Variants in RPA4 observed in about 807,000 individuals in gnomAD.
RPA4 encodes the protein replication protein A 30 kDa subunit.
For synonymous variants in RPA4, 88 were observed against 84.4 expected (o/e 1.04, Z -0.23); for missense variants, 229 against 215.5 (o/e 1.06, Z -0.39).
Position 96,884,259 on chromosome X carries a change from A to G in RPA4, c.-52A>G. ...GTGGAGAACTCAAAGCCGTCCGTGGAGCCCCAGACGAGCCAAAGCCCACCT... is the reference window on the plus strand; with the variant it reads ...GTGGAGAACTCAAAGCCGTCCGTGGGGCCCCAGACGAGCCAAAGCCCACCT... On this transcript the variant is annotated 5_prime_UTR_variant, in exon 1 of 1. Transcript: ENST00000373040. The G allele has an allele frequency of 1.8e-6, 2 of 1,096,377 alleles. No individual in the cohort carries two copies. The highest frequency in any genetic ancestry group is 2.5e-6 in the Non-Finnish European group (2 of 809,622). The allele number at this position is 1,096,377 out of a possible 1,213,427, so 90.4% of individuals were successfully genotyped here.
In RPA4 at chrX:96,884,168, C is replaced by G. The variant is rs2065240164; in HGVS notation, c.-143C>G. On this transcript the variant is annotated 5_prime_UTR_variant, in exon 1 of 1. Transcript: ENST00000373040. ...GCGTGACGCTTGTCACGTCCTCAGC[C>G]TCCCAGCATTCAATCGTAGCCTTTC... 2 of 472,900 alleles carry G rather than the reference C, an allele frequency of 4.2e-6. No individual in the cohort carries two copies. Among genetic ancestry groups the G allele is most frequent in the Non-Finnish European group, 7.0e-6 (2 of 284,008 alleles). The allele number at this position is 472,900 out of a possible 1,213,427, so 39.0% of individuals were successfully genotyped here.
chrX:96,884,648 T>A lies in RPA4; in HGVS notation c.338T>A (p.Val113Asp). 1 of 1,210,133 alleles carries A rather than the reference T, an allele frequency of 8.3e-7. No individual in the cohort carries two copies. The highest frequency in any genetic ancestry group is 1.1e-6 in the Non-Finnish European group (1 of 894,875). ...EARQWFGREK[V>D]KQVTPLSVGV... ...CGACAGTGGTTTGGTAGAGAGAAAG[T>A]CAAGCAGGTGACTCCATTGTCAGTC... The change falls in exon 1 of 1, where the codon GTC becomes GAC. Residue 113 changes from valine (V) to aspartate (D), a missense_variant. Val to Asp is a radical substitution (Grantham distance 152). Coordinates refer to ENST00000373040, the MANE Select transcript of RPA4 (RefSeq NM_013347.4).
chrX:96,884,994 C>G lies in RPA4; in HGVS notation c.684C>G (p.Cys228Trp). 2 of 1,210,054 alleles carry G rather than the reference C, an allele frequency of 1.7e-6. No individual in the cohort carries two copies. The highest frequency in any genetic ancestry group is 4.4e-5 in the Admixed American group (2 of 45,940). The change falls in exon 1 of 1, where the codon TGC (cysteine) becomes TGG (tryptophan). Residue 228 changes from cysteine to tryptophan, a missense_variant. Coordinates refer to ENST00000373040, the MANE Select transcript of RPA4 (RefSeq NM_013347.4). ...KSIHELRAQLCDLSVKAIKEA... is the reference protein window; with the variant it reads ...KSIHELRAQLWDLSVKAIKEA... Reference sequence around the variant, plus strand: ...TCCATGAGCTCCGGGCTCAGCTCTGCGACCTTAGCGTCAAGGCCATCAAGG... The same window carrying G: ...TCCATGAGCTCCGGGCTCAGCTCTGGGACCTTAGCGTCAAGGCCATCAAGG...
rs2065250351 is a variant in RPA4, at chrX:96,885,046, G to A, written c.736G>A (p.Gly246Ser). 1.7e-6 allele frequency: 2 copies of A among 1,208,478 alleles called. No homozygotes were observed. Among genetic ancestry groups the A allele is most frequent in the Non-Finnish European group, 2.2e-6 (2 of 894,681 alleles). ...KEAIDYLTVE[G>S]HIYPTVDREH... ...AGCGATTGATTATCTGACCGTTGAG[G>A]GCCACATCTATCCCACTGTGGATCG... is the stretch of plus-strand genomic sequence containing the variant. Residue 246 changes from glycine (G) to serine (S), a missense_variant, in exon 1 of 1, where the codon GGC (glycine) becomes AGC (serine). Coordinates refer to ENST00000373040, the MANE Select transcript of RPA4 (RefSeq NM_013347.4).
Position 96,884,631 on chromosome X carries a change from G to A in RPA4, c.321G>A (p.Trp107Ter), listed in dbSNP as rs1328940634. The part of the protein sequence containing the change: ...MTAKPIEARQ[W>*]FGREKVKQVT... ...CGAAACCAATCGAGGCCCGACAGTG[G>A]TTTGGTAGAGAGAAAGTCAAGCAGG... The change falls in exon 1 of 1, where the codon TGG (tryptophan) becomes TGA (stop). Residue 107 changes from tryptophan (W) to a stop codon, truncating the protein, a stop_gained. Transcript: ENST00000373040. LOFTEE classifies it low-confidence loss of function (END_TRUNC). 1.7e-6 allele frequency: 2 copies of A among 1,207,855 alleles called. No homozygotes were observed. The highest frequency in any genetic ancestry group is 3.5e-5 in the African/African-American group (2 of 56,619).
chrX:96,884,598 T>C lies in RPA4; in HGVS notation c.288T>C (p.Asp96=). 1 of 1,210,515 alleles carries C rather than the reference T, an allele frequency of 8.3e-7. No homozygotes were observed. The highest frequency in any genetic ancestry group is 1.1e-6 in the Non-Finnish European group (1 of 895,305). The change falls in exon 1 of 1, where the codon GAT becomes GAC. Residue 96 remains aspartate, a synonymous_variant. Transcript: ENST00000373040. ...ASNHICYKID[D]MTAKPIEARQ... ...ATCACATTTGTTACAAAATTGATGA[T>C]ATGACCGCGAAACCAATCGAGGCCC...
In RPA4 at chrX:96,884,458, A is replaced by G. The variant is rs192076302; in HGVS notation, c.148A>G (p.Asn50Asp). The G allele has an allele frequency of 8.3e-7, 1 of 1,209,036 alleles. No individual in the cohort carries two copies. The highest frequency in any genetic ancestry group is 1.1e-6 in the Non-Finnish European group (1 of 895,077). ...CCGAATTCAGGACGTTGTACCGTGT[A>G]ATGTGAACCAGCTTCTCAGCTCTAC... ...KVRIQDVVPC[N>D]VNQLLSSTVF... is the part of the protein sequence containing the mutation. Residue 50 changes from asparagine to aspartate, a missense_variant, in exon 1 of 1, where the codon AAT (asparagine) becomes GAT (aspartate). Coordinates refer to ENST00000373040, the MANE Select transcript of RPA4 (RefSeq NM_013347.4).
At position 96,884,483 on chromosome X, in the gene RPA4, C is replaced by T; in HGVS notation, c.173C>T (p.Thr58Ile). The T allele has an allele frequency of 1.7e-6, 2 of 1,211,438 alleles. No individual in the cohort carries two copies. The highest frequency in any genetic ancestry group is 2.2e-6 in the Non-Finnish European group (2 of 895,346). Reference sequence around the variant, plus strand: ...AATGTGAACCAGCTTCTCAGCTCTACTGTGTTTGACCCTGTGTTCAAGGTT... The same window carrying T: ...AATGTGAACCAGCTTCTCAGCTCTATTGTGTTTGACCCTGTGTTCAAGGTT... ...PCNVNQLLSS[T>I]VFDPVFKVRG... Residue 58 changes from threonine to isoleucine, a missense_variant, in exon 1 of 1, where the codon ACT becomes ATT. By Grantham distance (89) the Thr-to-Ile change is moderately conservative (BLOSUM62 -1). Transcript: ENST00000373040.
Position 96,884,069 on chromosome X carries a change from G to A in RPA4, c.-242G>A, listed in dbSNP as rs946299361. The A allele has an allele frequency of 1.1e-5, 4 of 353,259 alleles. No homozygotes were observed. Among genetic ancestry groups the A allele is most frequent in the African/African-American group, 2.6e-5 (1 of 38,568 alleles). The allele number at this position is 353,259 out of a possible 1,213,427, so 29.1% of individuals were successfully genotyped here. ...ACTGACACACAGGGAAGGATTATGCGATCAGGTGAGAAGGTGGCCGACCCT... is the reference window on the plus strand; with the variant it reads ...ACTGACACACAGGGAAGGATTATGCAATCAGGTGAGAAGGTGGCCGACCCT... On this transcript the variant is annotated 5_prime_UTR_variant, in exon 1 of 1. Coordinates refer to ENST00000373040, the MANE Select transcript of RPA4 (RefSeq NM_013347.4).
Position 96,884,984 on chromosome X carries a change from C to A in RPA4, c.674C>A (p.Ala225Asp), listed in dbSNP as rs530995109. Reference protein sequence around the residue: ...QEGKSIHELRAQLCDLSVKAI... With the variant: ...QEGKSIHELRDQLCDLSVKAI... ...GGGAAGAGCATCCATGAGCTCCGGG[C>A]TCAGCTCTGCGACCTTAGCGTCAAG... The change falls in exon 1 of 1, where the codon GCT becomes GAT. Residue 225 changes from alanine (A) to aspartate (D), a missense_variant. Coordinates refer to ENST00000373040, the MANE Select transcript of RPA4 (RefSeq NM_013347.4). 3 of 1,208,669 alleles carry A rather than the reference C, an allele frequency of 2.5e-6. No homozygotes were observed. The highest frequency in any genetic ancestry group is 3.0e-5 in the East Asian group (1 of 33,705).
At position 96,884,950 on chromosome X, in the gene RPA4, C is replaced by T; in HGVS notation, c.640C>T (p.His214Tyr). The change falls in exon 1 of 1, where the codon CAT becomes TAT. Residue 214 changes from histidine to tyrosine, a missense_variant. By Grantham distance (83) the His-to-Tyr change is moderately conservative. Coordinates refer to ENST00000373040, the MANE Select transcript of RPA4 (RefSeq NM_013347.4). ...GCTGCGTTTGATTCATGAGTGTCCT[C>T]ATCAGGAAGGGAAGAGCATCCATGA... is the stretch of plus-strand genomic sequence containing the variant. ...EVLRLIHECP[H>Y]QEGKSIHELR... The T allele has an allele frequency of 1.7e-6, 2 of 1,211,281 alleles. No homozygotes were observed. Among genetic ancestry groups the T allele is most frequent in the Non-Finnish European group, 2.2e-6 (2 of 895,421 alleles).
rs199993954 is a variant in RPA4 at position 96,884,395 on chromosome X, G to A, written c.85G>A (p.Asp29Asn). ...SGGSDQLCERDATPAIKTQRP... is the reference protein window; with the variant it reads ...SGGSDQLCERNATPAIKTQRP... ...AGGCAGTGACCAACTGTGTGAGAGA[G>A]ATGCAACTCCTGCTATTAAGACCCA... Residue 29 changes from aspartate to asparagine, a missense_variant, in exon 1 of 1, where the codon GAT (aspartate) becomes AAT (asparagine). Coordinates refer to ENST00000373040, the MANE Select transcript of RPA4 (RefSeq NM_013347.4). 49 of 1,208,097 alleles carry A rather than the reference G, an allele frequency of 4.1e-5. No homozygotes were observed. The African/African-American group carries it at 6.5e-4, about 16-fold the overall frequency.
chrX:96,885,227 T>C lies in RPA4; in HGVS notation c.*131T>C. On this transcript the variant is annotated 3_prime_UTR_variant, in exon 1 of 1. Coordinates refer to ENST00000373040, the MANE Select transcript of RPA4 (RefSeq NM_013347.4). Reference sequence around the variant, plus strand: ...GTGGCATTCTTTGTCAACTCGCTGCTTTTCTAACTGCTTTGAACTTTTCGG... The same window carrying C: ...GTGGCATTCTTTGTCAACTCGCTGCCTTTCTAACTGCTTTGAACTTTTCGG... The C allele has an allele frequency of 1.9e-6, 1 of 539,948 alleles. No individual in the cohort carries two copies. Among genetic ancestry groups the C allele is most frequent in the Non-Finnish European group, 3.0e-6 (1 of 332,528 alleles). The allele number at this position is 539,948 out of a possible 1,213,427, so 44.5% of individuals were successfully genotyped here. A position where few individuals can be genotyped will look rare whatever the true frequency, so the allele number is the denominator to read the frequency against.
rs764853980 is a variant in RPA4, at chrX:96,884,461, G to A, written c.151G>A (p.Val51Met). The change falls in exon 1 of 1, where the codon GTG becomes ATG. Residue 51 changes from valine (V) to methionine (M), a missense_variant. Transcript: ENST00000373040. ...VRIQDVVPCN[V>M]NQLLSSTVFD... ...AATTCAGGACGTTGTACCGTGTAAT[G>A]TGAACCAGCTTCTCAGCTCTACTGT... The A allele has an allele frequency of 1.8e-5, 22 of 1,209,148 alleles. No homozygotes were observed. In the African/African-American group the frequency reaches 2.8e-4, roughly 15 times the overall value.
rs1365719932 is a variant in RPA4 at position 96,884,200 on chromosome X, C to T, written c.-111C>T. The T allele has an allele frequency of 4.1e-5, 25 of 603,521 alleles. No individual in the cohort carries two copies. The highest frequency in any genetic ancestry group is 5.8e-5 in the Non-Finnish European group (23 of 396,957). The allele number at this position is 603,521 out of a possible 1,213,427, so 49.7% of individuals were successfully genotyped here. The stretch of plus-strand genomic sequence containing the variant: ...CATTCAATCGTAGCCTTTCGGACAG[C>T]TCGAAGCCTTCTGTGGAGAGCTCGA... On this transcript the variant is annotated 5_prime_UTR_variant, in exon 1 of 1. Coordinates refer to ENST00000373040, the MANE Select transcript of RPA4 (RefSeq NM_013347.4).
At position 96,885,281 on chromosome X, in the gene RPA4, A is replaced by G. The variant is rs2065252408; in HGVS notation, c.*185A>G. On this transcript the variant is annotated 3_prime_UTR_variant, in exon 1 of 1. Coordinates refer to ENST00000373040, the MANE Select transcript of RPA4 (RefSeq NM_013347.4). ...TTCTGTATTTGAAGCTCAGAGAGAG[A>G]CGGTGATGGATAAATTGACAACTCT... 2.3e-6 allele frequency: 1 copy of G among 429,129 alleles called. No homozygotes were observed. Among genetic ancestry groups the G allele is most frequent in the Non-Finnish European group, 4.1e-6 (1 of 243,361 alleles). 35.4% of individuals were successfully genotyped at this position (429,129 alleles called of 1,213,427 possible). A position where few individuals can be genotyped will look rare whatever the true frequency, so the allele number is the denominator to read the frequency against.
Position 96,884,275 on chromosome X carries a change from A to T in RPA4, c.-36A>T. 8.5e-7 allele frequency: 1 copy of T among 1,177,012 alleles called. No homozygotes were observed. The highest frequency in any genetic ancestry group is 1.1e-6 in the Non-Finnish European group (1 of 875,351). ...CGTCCGTGGAGCCCCAGACGAGCCA[A>T]AGCCCACCTTCTCCTCAGCCTGAGC... On this transcript the variant is annotated 5_prime_UTR_variant, in exon 1 of 1. Transcript: ENST00000373040.
chrX:96,884,827 C>T lies in RPA4; in HGVS notation c.517C>T (p.Arg173Cys). 1 of 1,211,079 alleles carries T rather than the reference C, an allele frequency of 8.3e-7. No homozygotes were observed. Among genetic ancestry groups the T allele is most frequent in the Non-Finnish European group, 1.1e-6 (1 of 895,293 alleles). The change falls in exon 1 of 1, where the codon CGT becomes TGT. Residue 173 changes from arginine to cysteine, a missense_variant. By Grantham distance (180) the Arg-to-Cys change is radical. Coordinates refer to ENST00000373040, the MANE Select transcript of RPA4 (RefSeq NM_013347.4). The stretch of plus-strand genomic sequence containing the variant: ...ACACATGATGCTGGATAAAGCCCGT[C>T]GTGATACCACTGTAGAAAGTGTGCC... The part of the protein sequence containing the change: ...NAHMMLDKAR[R>C]DTTVESVPVS...
chrX:96,884,660 C>G lies in RPA4; in HGVS notation c.350C>G (p.Thr117Ser). The change falls in exon 1 of 1, where the codon ACT becomes AGT. Residue 117 changes from threonine (T) to serine (S), a missense_variant. Coordinates refer to ENST00000373040, the MANE Select transcript of RPA4 (RefSeq NM_013347.4). Reference sequence around the variant, plus strand: ...GGTAGAGAGAAAGTCAAGCAGGTGACTCCATTGTCAGTCGGAGTATATGTC... The same window carrying G: ...GGTAGAGAGAAAGTCAAGCAGGTGAGTCCATTGTCAGTCGGAGTATATGTC... ...WFGREKVKQV[T>S]PLSVGVYVKV... is the part of the protein sequence containing the mutation. The G allele has an allele frequency of 1.7e-6, 2 of 1,210,714 alleles. No individual in the cohort carries two copies. The highest frequency in any genetic ancestry group is 2.2e-6 in the Non-Finnish European group (2 of 895,146).
Sources: gnomAD v4.1 joint callset for allele counts on GRCh38, gnomAD v4.1.1 for gene constraint, MANE v1.5 for transcripts, NCBI Gene and HGNC (gene_info 2026-07-23, HGNC 2026-07-21) for gene names.